Variants in AGO1 observed in about 807,000 individuals in gnomAD.
AGO1 encodes the protein protein argonaute-1.
Under a neutral mutation model 109.2 loss-of-function variants are expected in AGO1, and 11 were observed. The observed-to-expected ratio is 0.10, with a 90% CI of 0.06 to 0.17. AGO1 has a LOEUF of 0.17. Ranked by LOEUF, AGO1 falls within the 10% of genes least tolerant of loss-of-function variation. AGO1 has a pLI of 1.00. For synonymous variants in AGO1, 422 were observed against 418.6 expected (o/e 1.01, Z -0.10); for missense variants, 574 against 1,140.3 (o/e 0.50, Z 7.15).
chr1:35,918,731 T>C (rs775422061), intron 17 of AGO1, among the ~76,000 whole-genome samples: 10 of 152,146 alleles, frequency 6.6e-5, no homozygotes, highest in Non-Finnish European at 1.3e-4. Flanking sequence ...AATTTTTGTA[T>C]TTTTAGTAGA....
At chr1:35,905,315 G>A (rs892438784) in intron 11 of AGO1, among the ~76,000 whole-genome samples, 43 of 152,146 alleles carry the variant, frequency 2.8e-4, no homozygotes, top group Admixed American at 2.3e-3. Flanking sequence ...TGGTTAGGTC[G>A]TGTTTTTTTA....
upstream of AGO1, among the ~76,000 whole-genome samples, chr1:35,882,312 G>A (rs1328454143): frequency 6.6e-6 from 1 of 152,136 alleles, no homozygotes; most frequent in Non-Finnish European, 1.5e-5. This position sits in a 1 kb window ranked among gnomAD's most constrained non-coding sequence, Gnocchi z 5.1. Context: ...GGGGAGAGTG[G>A]AATGAGAAGA....
intron 14 of AGO1, 61 bp downstream of exon 14, chr1:35,914,335 T>C (rs1404293540): frequency 1.4e-6 from 2 of 1,385,808 alleles, no homozygotes; most frequent in East Asian, 4.6e-5. Flanking sequence ...TCCTCAAAAC[T>C]GCCCATGATT....
chr1:35,899,574 G>A (rs1421146404), intron 8 of AGO1, among the ~76,000 whole-genome samples: 1 of 152,222 alleles, frequency 6.6e-6, no homozygotes, highest in African/African-American at 2.4e-5. Context: ...TGTAGAGAAT[G>A]CTACAACTTT....
intron 8 of AGO1, among the ~76,000 whole-genome samples, chr1:35,896,353 A>C (rs889191081): frequency 2.6e-5 from 4 of 151,668 alleles, no homozygotes; most frequent in South Asian, 2.1e-4. Flanking sequence ...TTGGAGAAGC[A>C]CTGTACTAGA....
rs766643376 is a variant in AGO1, at chr1:35,883,972, C to T, written c.25+526C>T. On this transcript the variant is annotated intron_variant, in intron 1 of 18. Coordinates refer to ENST00000373204, the MANE Select transcript of AGO1 (RefSeq NM_012199.5). The surrounding 1 kb of genome is among the most constrained non-coding windows in gnomAD (Gnocchi z 5.4). ...GGTGGGGACCCAGTCCCGGGATTAC[C>T]CCCCGTGGGTCTGGGGAGTCGGAGC... Among the ~76,000 whole-genome samples the T allele has an allele frequency of 3.9e-5, 6 of 152,202 alleles. No homozygotes were observed. Among genetic ancestry groups the T allele is most frequent in the Non-Finnish European group, 8.8e-5 (6 of 68,018 alleles).
chr1:35,888,315 G>C lies in AGO1; in HGVS notation c.26-112G>C. 9.1e-7 allele frequency: 1 copy of C among 1,096,700 alleles called. No individual in the cohort carries two copies. The allele number at this position is 1,096,700 out of a possible 1,614,324, so 67.9% of individuals were successfully genotyped here. A position where few individuals can be genotyped will look rare whatever the true frequency, so the allele number is the denominator to read the frequency against. ...CTTGGCTGGGTTGGGTAGCAGGAAA[G>C]AGGCATTCTCTATACTCTCGTGTTC... On this transcript the variant is annotated intron_variant, in intron 1 of 18. Transcript: ENST00000373204. The surrounding 1 kb of genome is among the most constrained non-coding windows in gnomAD (Gnocchi z 4.1).
At chr1:35,887,540 G>T (rs1371094236) in intron 1 of AGO1, among the ~76,000 whole-genome samples, 1 of 152,152 alleles carries the variant, frequency 6.6e-6, no homozygotes, top group Non-Finnish European at 1.5e-5. Flanking sequence ...GACCTTCTGT[G>T]TGGAAGGATC....
chr1:35,889,227 T>C (rs1470749956), intron 2 of AGO1, among the ~76,000 whole-genome samples: 6 of 151,124 alleles, frequency 4.0e-5, no homozygotes. Flanking sequence ...TCTCTTGTTT[T>C]GTTTTTGAGA....
chr1:35,915,464 A>C lies in AGO1; in HGVS notation c.1950A>C (p.Gln650His), dbSNP rs575591328. The C allele has an allele frequency of 6.2e-7, 1 of 1,614,058 alleles. No homozygotes were observed. Residue 650 changes from glutamine (Q) to histidine (H), a missense_variant, in exon 15 of 19, where the codon CAA becomes CAC. Transcript: ENST00000373204. ...LSYMVRELLI[Q>H]FYKSTRFKPT... ...ACATGGTGCGTGAGCTCCTCATCCA[A>C]TTCTACAAGTCCACCCGTTTCAAGC...
At chr1:35,877,030 A>G (rs74874847) in intron 1 of AGO1, among the ~76,000 whole-genome samples, 202 of 152,276 alleles carry the variant, frequency 1.3e-3, no homozygotes, top group Non-Finnish European at 2.3e-3. Context: ...CAAAGCTGCT[A>G]GGCTTTCCTG....
chr1:35,874,975 T>C (rs1385154850), intron 1 of AGO1, among the ~76,000 whole-genome samples: 1 of 152,156 alleles, frequency 6.6e-6, no homozygotes, highest in Non-Finnish European at 1.5e-5. Context: ...GAAGAAAAGT[T>C]TGAAGCTAGT....
In AGO1 at chr1:35,893,388, A is replaced by G; in HGVS notation, c.512+110A>G. ...CAGAGTGCCATTAAAAAAAAAAATT[A>G]TTTGAAGCCCTACCACTTGCCAGGC... On this transcript the variant is annotated intron_variant, in intron 4 of 18. Coordinates refer to ENST00000373204, the MANE Select transcript of AGO1 (RefSeq NM_012199.5). This position sits in a 1 kb window ranked among gnomAD's most constrained non-coding sequence, Gnocchi z 5.6. 8.3e-7 allele frequency: 1 copy of G among 1,210,698 alleles called. No individual in the cohort carries two copies. The highest frequency in any genetic ancestry group is 2.5e-5 in the Admixed American group (1 of 39,268). The allele number at this position is 1,210,698 out of a possible 1,614,324, so 75.0% of individuals were successfully genotyped here.
chr1:35,891,532 T>G (rs1355287805), intron 2 of AGO1, among the ~76,000 whole-genome samples: 1 of 152,148 alleles, frequency 6.6e-6, no homozygotes, highest in Non-Finnish European at 1.5e-5. Flanking sequence ...TGTTCCTGAT[T>G]TTTTTGTTTT....
At position 35,872,067 on chromosome 1, in the gene AGO1, C is replaced by T. The variant is rs537623920; in HGVS notation, c.-201+2164C>T. On this transcript the variant is annotated intron_variant, in intron 1 of 18. Transcript: ENST00000373206. Reference sequence around the variant, plus strand: ...CCTGGGCGACAGAGCGAGACTCCATCTCAGAAAAAAAAAAAAAAAAGACTG... The same window carrying T: ...CCTGGGCGACAGAGCGAGACTCCATTTCAGAAAAAAAAAAAAAAAAGACTG... Among the ~76,000 whole-genome samples, 114 of 137,382 alleles carry T rather than the reference C, an allele frequency of 8.3e-4. 2 individuals carry two copies. Among genetic ancestry groups the T allele is most frequent in the African/African-American group, 2.9e-3 (102 of 35,656 alleles). 90.1% of individuals were successfully genotyped at this position (137,382 alleles called of 152,430 possible).
At position 35,919,825 on chromosome 1, in the gene AGO1, C is replaced by T; in HGVS notation, c.*218C>T. Reference sequence around the variant, plus strand: ...CTGATATCAACCTCATGTCCCCCACCCCTCACCCCATCTTGTCACATCTGG... The same window carrying T: ...CTGATATCAACCTCATGTCCCCCACTCCTCACCCCATCTTGTCACATCTGG... On this transcript the variant is annotated 3_prime_UTR_variant, in exon 19 of 19. Transcript: ENST00000373204. This position sits in a 1 kb window ranked among gnomAD's most constrained non-coding sequence, Gnocchi z 6.6. 2 of 552,072 alleles carry T rather than the reference C, an allele frequency of 3.6e-6. No individual in the cohort carries two copies. Among genetic ancestry groups the T allele is most frequent in the East Asian group, 3.0e-5 (1 of 33,696 alleles). 34.2% of individuals were successfully genotyped at this position (552,072 alleles called of 1,614,324 possible).
chr1:35,898,714 T>C (rs904372529), intron 8 of AGO1, among the ~76,000 whole-genome samples: 1 of 152,232 alleles, frequency 6.6e-6, no homozygotes, highest in Non-Finnish European at 1.5e-5. Context: ...AGAAGAACAA[T>C]GTGGATTATT....
chr1:35,870,628 A>C (rs918695980), intron 1 of AGO1, among the ~76,000 whole-genome samples: 2 of 152,134 alleles, frequency 1.3e-5, no homozygotes. Context: ...CCTATTATCC[A>C]CCATTCATTT....
In AGO1 at chr1:35,888,208, G is replaced by A. The variant is rs749953472; in HGVS notation, c.26-219G>A. On this transcript the variant is annotated intron_variant, in intron 1 of 18. Coordinates refer to ENST00000373204, the MANE Select transcript of AGO1 (RefSeq NM_012199.5). This position sits in a 1 kb window ranked among gnomAD's most constrained non-coding sequence, Gnocchi z 4.1. ...TTAATGAATTAAAAATAGACAATAAGGATAATTTTCCTAACTGGAGAGAGA... is the reference window on the plus strand; with the variant it reads ...TTAATGAATTAAAAATAGACAATAAAGATAATTTTCCTAACTGGAGAGAGA... Among the ~76,000 whole-genome samples the A allele has an allele frequency of 1.3e-5, 2 of 152,070 alleles. No individual in the cohort carries two copies. Among genetic ancestry groups the A allele is most frequent in the Admixed American group, 6.5e-5 (1 of 15,270 alleles).
Sources: allele counts gnomAD v4.1 joint callset (sites outside exome capture counted in the v4.1 genomes callset), GRCh38; gene constraint gnomAD v4.1.1; non-coding constraint Gnocchi (gnomAD v3.1); transcripts MANE v1.5; gene names NCBI Gene and HGNC (gene_info 2026-07-23, HGNC 2026-07-21).